The following SGCZ variants were observed in gnomAD, a reference collection of about 807,000 sequenced individuals.
The protein encoded by SGCZ is sarcoglycan zeta, also known as zeta-sarcoglycan.
SGCZ carries 40 observed loss-of-function variants against 41.3 expected under a neutral mutation model. The ratio of observed to expected loss-of-function variants is 0.97; its 90% CI spans 0.75 to 1.26. The LOEUF (loss-of-function observed/expected upper bound fraction) is 1.26. Ranked by LOEUF, SGCZ falls within the 50% of genes most tolerant of loss-of-function variation. The probability of loss-of-function intolerance (pLI) is 0.00; values close to 1 mark genes in which losing one functional copy is unlikely to be tolerated. For missense variants in SGCZ, 552 were observed against 369.8 expected (o/e 1.49, Z -4.04); for synonymous variants, 206 against 137.5 (o/e 1.50, Z -3.49).
intron 5 of SGCZ, among the ~76,000 whole-genome samples, chr8:14,131,479 G>A (rs1357296030): frequency 6.6e-6 from 1 of 152,120 alleles, no homozygotes; most frequent in Non-Finnish European, 1.5e-5. Flanking sequence ...TGGCCTCTAT[G>A]GTTCCTGATG....
At chr8:15,103,519 G>C (rs1183537557) in intron 1 of SGCZ, among the ~76,000 whole-genome samples, 1 of 152,000 alleles carries the variant, frequency 6.6e-6, no homozygotes, top group East Asian at 1.9e-4. Context: ...GAGTTATCAG[G>C]GACCAAACAG....
chr8:14,792,611 C>T (rs1174468082), intron 1 of SGCZ, among the ~76,000 whole-genome samples: 2 of 151,968 alleles, frequency 1.3e-5, no homozygotes, highest in African/African-American at 4.8e-5. Context: ...TACATGTGCA[C>T]AATGTGCAGG....
intron 2 of SGCZ, among the ~76,000 whole-genome samples, chr8:14,538,875 C>T (rs1254221255): frequency 2.0e-5 from 3 of 151,664 alleles, no homozygotes; most frequent in Non-Finnish European, 4.4e-5. Context: ...CCTCTAATTG[C>T]AATAGGAAGG....
intron 1 of SGCZ, among the ~76,000 whole-genome samples, chr8:14,837,399 G>A (rs994995226): frequency 1.3e-5 from 2 of 152,182 alleles, no homozygotes; most frequent in Admixed American, 6.5e-5. Flanking sequence ...ATAATTAAAC[G>A]AACGATGTGT....
At chr8:14,920,450 G>A (rs1469344309) in intron 1 of SGCZ, among the ~76,000 whole-genome samples, 1 of 152,134 alleles carries the variant, frequency 6.6e-6, no homozygotes, top group Non-Finnish European at 1.5e-5. Flanking sequence ...GGGACGAAAT[G>A]TTTAATGGAG....
chr8:15,194,185 T>TCACA (rs34127082), intron 1 of SGCZ, among the ~76,000 whole-genome samples: 5,001 of 139,498 alleles, frequency 0.036, 97 homozygotes, highest in African/African-American at 0.054. Flanking sequence ...CCACCTCTAA[T>TCACA]CACACACACA....
intron 5 of SGCZ, among the ~76,000 whole-genome samples, chr8:14,134,812 T>A (rs939661933): frequency 9.9e-5 from 15 of 152,174 alleles, no homozygotes; most frequent in Non-Finnish European, 2.1e-4. Flanking sequence ...CATACCAAGT[T>A]CTCCACCTGT....
At chr8:14,745,303 G>C (rs1240418742) in intron 1 of SGCZ, among the ~76,000 whole-genome samples, 1 of 152,086 alleles carries the variant, frequency 6.6e-6, no homozygotes, top group African/African-American at 2.4e-5. Context: ...CAAATGCATG[G>C]CAGTCACTAC....
chr8:14,987,585 A>T (rs1237232272), intron 1 of SGCZ, among the ~76,000 whole-genome samples: 1 of 151,954 alleles, frequency 6.6e-6, no homozygotes, highest in African/African-American at 2.4e-5. Flanking sequence ...GTATACTTTC[A>T]TCTTCCACTT....
At chr8:14,542,858 C>T (rs2410192) in intron 2 of SGCZ, among the ~76,000 whole-genome samples, 107,810 of 151,882 alleles carry the variant, frequency 0.71, 38,518 homozygotes, top group Admixed American at 0.76. Context: ...GTGCTATTTA[C>T]GTTTAATCAT....
intron 4 of SGCZ, among the ~76,000 whole-genome samples, chr8:14,170,276 G>C (rs1361380373): frequency 6.6e-6 from 1 of 152,028 alleles, no homozygotes; most frequent in East Asian, 1.9e-4. Context: ...GTGAGGAAAG[G>C]TACAAAAACA....
intron 1 of SGCZ, among the ~76,000 whole-genome samples, chr8:14,940,910 T>G (rs1800254530): frequency 6.6e-6 from 1 of 152,026 alleles, no homozygotes; most frequent in African/African-American, 2.4e-5. Flanking sequence ...TACAGATTAA[T>G]ACGAAAATGG....
intron 2 of SGCZ, among the ~76,000 whole-genome samples, chr8:14,393,361 C>A (rs1804852897): frequency 6.6e-6 from 1 of 152,008 alleles, no homozygotes; most frequent in Non-Finnish European, 1.5e-5. Flanking sequence ...GGAACTAGGA[C>A]TAGACATGTT....
chr8:14,280,002 T>A (rs913672630), intron 3 of SGCZ, among the ~76,000 whole-genome samples: 22 of 151,964 alleles, frequency 1.4e-4, no homozygotes, highest in African/African-American at 5.3e-4. Context: ...TCATTTTCAT[T>A]TTGCCACCAT....
At chr8:15,130,526 A>T (rs1202178891) in intron 1 of SGCZ, among the ~76,000 whole-genome samples, 1 of 152,222 alleles carries the variant, frequency 6.6e-6, no homozygotes, top group Non-Finnish European at 1.5e-5. Context: ...GCACTAAGCT[A>T]AACAGTTTTT....
chr8:14,238,969 G>A (rs1221738426), intron 3 of SGCZ, among the ~76,000 whole-genome samples: 1 of 150,608 alleles, frequency 6.6e-6, no homozygotes, highest in Non-Finnish European at 1.5e-5. Context: ...AGATATATAT[G>A]TATATATATA....
chr8:14,486,242 G>A (rs1322366166), intron 2 of SGCZ, among the ~76,000 whole-genome samples: 1 of 152,068 alleles, frequency 6.6e-6, no homozygotes, highest in African/African-American at 2.4e-5. Context: ...GAAATTGCCT[G>A]GAAAATTGCA....
At chr8:14,827,385 C>T (rs1480949464) in intron 1 of SGCZ, among the ~76,000 whole-genome samples, 1 of 151,950 alleles carries the variant, frequency 6.6e-6, no homozygotes, top group Admixed American at 6.6e-5. Context: ...TACAGGCATG[C>T]ACCACCATGC....
intron 1 of SGCZ, among the ~76,000 whole-genome samples, chr8:15,155,539 G>A (rs560442864): frequency 1.3e-5 from 2 of 152,258 alleles, no homozygotes; most frequent in African/African-American, 4.8e-5. Context: ...GTTGAGTAGA[G>A]CAATGTATAC....
Sources: gnomAD v4.1 joint callset for allele counts (sites outside exome capture counted in the v4.1 genomes callset) on GRCh38, gnomAD v4.1.1 for gene constraint, MANE v1.5 for transcripts, NCBI Gene and HGNC (gene_info 2026-07-23, HGNC 2026-07-21) for gene names.